Variants in TBC1D12 observed in about 807,000 individuals in gnomAD.
TBC1D12 encodes TBC1 domain family, member 12.
A neutral mutation model predicts 86.7 loss-of-function variants in TBC1D12; 56 were observed. The observed-to-expected ratio is 0.65, with a 90% confidence interval of 0.52 to 0.81. TBC1D12 has a LOEUF of 0.81. Among genes scored for constraint, TBC1D12 ranks in the 30% least tolerant of loss-of-function variants. The probability of loss-of-function intolerance (pLI) is 0.00; values close to 1 mark genes in which losing one functional copy is unlikely to be tolerated. For synonymous variants in TBC1D12, 421 were observed against 411.7 expected (o/e 1.02, Z -0.27); for missense variants, 1,023 against 1,038.8 (o/e 0.98, Z 0.21).
chr10:94,494,541 A>G (rs2056289772), intron 4 of TBC1D12, among the ~76,000 whole-genome samples: 1 of 152,052 alleles, frequency 6.6e-6, no homozygotes, highest in Non-Finnish European at 1.5e-5. Context: ...TTATCTATTT[A>G]TTACTTATTT....
intron 2 of TBC1D12, among the ~76,000 whole-genome samples, chr10:94,460,196 C>T (rs1218480811): frequency 5.3e-5 from 8 of 152,118 alleles, no homozygotes; most frequent in South Asian, 2.1e-4. Context: ...CATGAGATCA[C>T]GCCACTGCAC....
At chr10:94,458,115 TGGC>T (rs2055656010) in intron 2 of TBC1D12, among the ~76,000 whole-genome samples, 1 of 152,202 alleles carries the variant, frequency 6.6e-6, no homozygotes, top group Admixed American at 6.5e-5. Flanking sequence ...ATCCCCACTG[TGGC>T]AATATTGAGA....
chr10:94,459,548 G>A lies in TBC1D12; in HGVS notation c.1096-15120G>A, dbSNP rs138446650. Among the ~76,000 whole-genome samples, 133 of 152,360 alleles carry A rather than the reference G, an allele frequency of 8.7e-4. 1 individual carries two copies. The East Asian group carries it at 0.024, about 28-fold the overall frequency. ...GACCTTGCGCCATGGAGCAGGCGGC[G>A]GTGCCCGTCGGGGAGGCTCGGGCCG... On this transcript the variant is annotated intron_variant, in intron 2 of 12. Coordinates refer to ENST00000225235, the MANE Select transcript of TBC1D12 (RefSeq NM_015188.2).
At chr10:94,465,895 C>CGCATACATGTATGTATATACATAT in intron 2 of TBC1D12, among the ~76,000 whole-genome samples, 1 of 150,398 alleles carries the variant, frequency 6.6e-6, no homozygotes, top group East Asian at 2.0e-4. Context: ...TATATACATA[C>CGCATACATGTATGTATATACATAT]ATACGCATAT....
intron 3 of TBC1D12, among the ~76,000 whole-genome samples, chr10:94,487,723 G>T (rs1156318030): frequency 3.7e-5 from 5 of 135,594 alleles, no homozygotes; most frequent in Admixed American, 2.3e-4. Flanking sequence ...TTGAGACAAG[G>T]TCTTGCTCTG....
intron 6 of TBC1D12, among the ~76,000 whole-genome samples, chr10:94,503,435 C>A (rs1336208326): frequency 6.6e-6 from 1 of 152,074 alleles, no homozygotes; most frequent in African/African-American, 2.4e-5. Context: ...GATGCAAAAG[C>A]TTTTCTACAA....
intron 2 of TBC1D12, among the ~76,000 whole-genome samples, chr10:94,444,695 T>A (rs2055429407): frequency 6.6e-6 from 1 of 152,080 alleles, no homozygotes; most frequent in Admixed American, 6.5e-5. Flanking sequence ...ACCTTTAATC[T>A]GCTATTTTCA....
chr10:94,513,374 T>C (rs1344066216), intron 9 of TBC1D12, among the ~76,000 whole-genome samples: 1 of 151,918 alleles, frequency 6.6e-6, no homozygotes, highest in African/African-American at 2.4e-5. Context: ...TGAGCTAGGA[T>C]TGGACCACTG....
intron 1 of TBC1D12, among the ~76,000 whole-genome samples, chr10:94,404,130 A>C (rs2134040112): frequency 6.6e-6 from 1 of 152,236 alleles, no homozygotes; most frequent in Non-Finnish European, 1.5e-5. Context: ...TGAAATTAGA[A>C]GTGGTTGTGC....
intron 2 of TBC1D12, among the ~76,000 whole-genome samples, chr10:94,458,794 G>A (rs572499499): frequency 2.6e-5 from 4 of 152,002 alleles, no homozygotes; most frequent in South Asian, 2.1e-4. Context: ...GGAGTTGTTC[G>A]TACCTTCCAT....
Position 94,426,960 on chromosome 10 carries a change from T to C in TBC1D12, c.972-14936T>C, listed in dbSNP as rs556287659. ...AACTTGCCCCTTTAAAGTGTACAAT[T>C]TGATAGTTTTCAGCACATTCACAGA... is the stretch of plus-strand genomic sequence containing the variant. On this transcript the variant is annotated intron_variant, in intron 1 of 12. Transcript: ENST00000225235. Among the ~76,000 whole-genome samples the C allele has an allele frequency of 7.9e-5, 12 of 152,322 alleles. No individual in the cohort carries two copies. The East Asian group carries it at 2.3e-3, about 29-fold the overall frequency.
At chr10:94,522,137 G>A in intron 10 of TBC1D12, 54 bp downstream of exon 10, 2 of 1,563,492 alleles carry the variant, frequency 1.3e-6, no homozygotes, top group Non-Finnish European at 8.7e-7. Context: ...CCCTCTTAGA[G>A]TGAAAAACAA....
At chr10:94,472,304 A>G (rs2055919566) in intron 2 of TBC1D12, among the ~76,000 whole-genome samples, 1 of 152,234 alleles carries the variant, frequency 6.6e-6, no homozygotes, top group African/African-American at 2.4e-5. Context: ...GCAAGATAAT[A>G]GATTGTTAAA....
At chr10:94,421,043 T>C (rs1013373895) in intron 1 of TBC1D12, among the ~76,000 whole-genome samples, 1 of 152,156 alleles carries the variant, frequency 6.6e-6, no homozygotes, top group Non-Finnish European at 1.5e-5. Flanking sequence ...TATATATTAT[T>C]ATTAACTATA....
chr10:94,487,157 A>C (rs2056175805), intron 3 of TBC1D12, among the ~76,000 whole-genome samples: 1 of 151,532 alleles, frequency 6.6e-6, no homozygotes, highest in Admixed American at 6.6e-5. Context: ...ATTGGCATGG[A>C]ATATCTTTTT....
At chr10:94,407,524 A>T (rs2054872644) in intron 1 of TBC1D12, among the ~76,000 whole-genome samples, 1 of 152,180 alleles carries the variant, frequency 6.6e-6, no homozygotes, top group Admixed American at 6.5e-5. Flanking sequence ...TCTACTACAA[A>T]TACAAAAAAA....
intron 1 of TBC1D12, among the ~76,000 whole-genome samples, chr10:94,413,182 G>A (rs1230074515): frequency 6.6e-6 from 1 of 152,178 alleles, no homozygotes; most frequent in Non-Finnish European, 1.5e-5. Flanking sequence ...GTATAATAGA[G>A]AACAGATTCA....
At chr10:94,493,610 G>A (rs1165084564) in intron 4 of TBC1D12, among the ~76,000 whole-genome samples, 163 bp downstream of exon 4, 1 of 152,052 alleles carries the variant, frequency 6.6e-6, no homozygotes, top group East Asian at 1.9e-4. Context: ...GGTATGCAGT[G>A]ATGCAGTCAC....
At chr10:94,425,103 G>T (rs559921330) in intron 1 of TBC1D12, among the ~76,000 whole-genome samples, 1 of 152,298 alleles carries the variant, frequency 6.6e-6, no homozygotes, top group Admixed American at 6.5e-5. Context: ...GGGAATCACT[G>T]CATGGGGCAA....
Sources: gnomAD v4.1 joint callset for allele counts (sites outside exome capture counted in the v4.1 genomes callset) on GRCh38, gnomAD v4.1.1 for gene constraint, MANE v1.5 for transcripts, NCBI Gene and HGNC (gene_info 2026-07-23, HGNC 2026-07-21) for gene names.